Variants in CDC45 observed in about 807,000 individuals in gnomAD.
CDC45 encodes the protein cell division control protein 45 homolog.
In CDC45, 54 loss-of-function variants were observed where a neutral mutation model predicts 77.8. The observed-to-expected ratio is 0.69, with a 90% CI of 0.56 to 0.87. The LOEUF is 0.87. CDC45 is among the 40% of genes least tolerant of loss of function. CDC45 has a pLI of 0.00. For synonymous variants in CDC45, 260 were observed against 272.1 expected, an observed-to-expected ratio of 0.96 and a Z score of 0.44; for missense variants, 649 against 721.6, an observed-to-expected ratio of 0.90 and a Z score of 1.15.
Position 19,508,653 on chromosome 22 carries a change from GA to G in CDC45, c.1180del (p.Thr394GlnfsTer73). The stretch of plus-strand genomic sequence containing the variant: ...AGAGCCCCGAGAAGGATGGCTCAGG[GA>G]CAGATCACTTCATCCAGGCTCTGGA... The part of the protein sequence containing the change: ...MESPEKDGSG[T>X]DHFIQALDSL... On this transcript the variant is annotated frameshift_variant, in exon 13 of 19. Transcript: ENST00000263201. LOFTEE classifies it high-confidence loss of function. The G allele has an allele frequency of 6.2e-7, 1 of 1,614,198 alleles. No homozygotes were observed. The highest frequency in any genetic ancestry group is 8.5e-7 in the Non-Finnish European group (1 of 1,180,036).
chr22:19,484,177 C>T (rs1601922733), intron 5 of CDC45, among the ~76,000 whole-genome samples, 172 bp downstream of exon 5: 1 of 152,204 alleles, frequency 6.6e-6, no homozygotes, highest in African/African-American at 2.4e-5. Context: ...TGGCCTCAGG[C>T]AGGTTACTGG....
At chr22:19,486,773 T>C (rs1031700767) in intron 5 of CDC45, among the ~76,000 whole-genome samples, 5 of 151,536 alleles carry the variant, frequency 3.3e-5, no homozygotes, top group African/African-American at 1.2e-4. Context: ...AGCTCCTGGG[T>C]TCATGCCATT....
intron 9 of CDC45, among the ~76,000 whole-genome samples, 168 bp downstream of exon 9, chr22:19,499,319 CTG>C (rs1568924616): frequency 6.6e-6 from 1 of 152,188 alleles, no homozygotes; most frequent in Non-Finnish European, 1.5e-5. Context: ...GAAGGGCTAA[CTG>C]AGTACCAGCC....
At chr22:19,490,913 T>A (rs765138275) in intron 5 of CDC45, among the ~76,000 whole-genome samples, 3 of 150,988 alleles carry the variant, frequency 2.0e-5, no homozygotes, top group Non-Finnish European at 4.4e-5. Flanking sequence ...CTACAACCTC[T>A]ACCTCTCGGG....
intron 3 of CDC45, among the ~76,000 whole-genome samples, chr22:19,481,673 T>C (rs2089985703): frequency 6.6e-6 from 1 of 151,916 alleles, no homozygotes; most frequent in Non-Finnish European, 1.5e-5. Flanking sequence ...ACGCCCAGCC[T>C]TTATTTATTT....
chr22:19,513,944 T>A (rs947695017), intron 13 of CDC45, among the ~76,000 whole-genome samples: 1 of 152,144 alleles, frequency 6.6e-6, no homozygotes, highest in Non-Finnish European at 1.5e-5. Flanking sequence ...AGACTTGGAG[T>A]GGATGTTTTA....
chr22:19,507,831 G>A lies in CDC45; in HGVS notation c.1022G>A (p.Arg341Gln), dbSNP rs367893525. The A allele has an allele frequency of 1.8e-5, 29 of 1,599,656 alleles. No individual in the cohort carries two copies. Among genetic ancestry groups the A allele is most frequent in the Admixed American group, 1.1e-4 (6 of 55,394 alleles). The change falls in exon 12 of 19, where the codon CGG becomes CAG. Residue 341 changes from arginine to glutamine, a missense_variant. Transcript: ENST00000263201. ...GACATCTCCTTGAAGGAGAATTTGCGGGAAATGATTGAAGAGTCTGCAAAT... is the reference window on the plus strand; with the variant it reads ...GACATCTCCTTGAAGGAGAATTTGCAGGAAATGATTGAAGAGTCTGCAAAT... ...AMDISLKENL[R>Q]EMIEESANKF...
chr22:19,489,687 A>G (rs955575097), intron 5 of CDC45, among the ~76,000 whole-genome samples: 1 of 152,234 alleles, frequency 6.6e-6, no homozygotes, highest in East Asian at 1.9e-4. Context: ...CGTGCTAGCC[A>G]TAAATACGTG....
At chr22:19,479,684 C>G, upstream of CDC45, 183 of 659,604 alleles carry the variant, frequency 2.8e-4, no homozygotes, top group Non-Finnish European at 2.2e-4. Context: ...CGTCGCTTTT[C>G]TGGGTAAAAG....
intron 9 of CDC45, among the ~76,000 whole-genome samples, chr22:19,499,669 G>A (rs9606038): frequency 0.07 from 10,630 of 152,212 alleles, 504 homozygotes; most frequent in South Asian, 0.16. Context: ...ATAGACTGAC[G>A]GTGAGCTGCA....
upstream of CDC45, chr22:19,479,470 T>C (rs982131433): frequency 1.6e-6 from 1 of 629,460 alleles, no homozygotes; most frequent in Non-Finnish European, 2.9e-6. Context: ...CTACCCAGAC[T>C]GCCTCTGCTT....
intron 15 of CDC45, 86 bp downstream of exon 15, chr22:19,515,134 G>T: frequency 7.8e-7 from 1 of 1,285,816 alleles, no homozygotes; most frequent in Non-Finnish European, 1.1e-6. Flanking sequence ...TGGCCTTGGG[G>T]TGCCTGTGGC....
intron 13 of CDC45, among the ~76,000 whole-genome samples, chr22:19,513,507 C>G (rs1933625139): frequency 6.6e-6 from 1 of 152,076 alleles, no homozygotes; most frequent in African/African-American, 2.4e-5. Context: ...AGCTGTTTTT[C>G]TGTGAGCCCC....
chr22:19,508,307 C>A (rs1265096725), intron 12 of CDC45, among the ~76,000 whole-genome samples: 2 of 152,312 alleles, frequency 1.3e-5, no homozygotes, highest in Non-Finnish European at 1.5e-5. Flanking sequence ...CCACACACCC[C>A]CTAAGCCAGC....
intron 5 of CDC45, among the ~76,000 whole-genome samples, chr22:19,487,383 A>G (rs1276396556): frequency 6.6e-6 from 1 of 151,796 alleles, no homozygotes; most frequent in African/African-American, 2.4e-5. Flanking sequence ...AAAATTAGCC[A>G]GGCATGGTAG....
intron 5 of CDC45, among the ~76,000 whole-genome samples, chr22:19,484,219 A>T (rs1029971131): frequency 6.6e-6 from 1 of 152,240 alleles, no homozygotes; most frequent in Admixed American, 6.5e-5. Flanking sequence ...TCTGTCCAAT[A>T]GGATCCTGTC....
In CDC45 at chr22:19,488,878, C is replaced by T. The variant is rs547257179; in HGVS notation, c.486+4873C>T. ...GTAATATAGAGAGATCACTTATATA[C>T]TTTGCCCAGCTTCCCCCAATGGTAA... On this transcript the variant is annotated intron_variant, in intron 5 of 18. Coordinates refer to ENST00000263201, the MANE Select transcript of CDC45 (RefSeq NM_003504.5). 2.2e-4 allele frequency among the ~76,000 whole-genome samples: 34 copies of T among 152,258 alleles called. No homozygotes were observed. In the East Asian group the frequency reaches 5.0e-3, roughly 22 times the overall value.
intron 4 of CDC45, 83 bp from the exon 5 acceptor site, chr22:19,483,779 A>T (rs1181467397): frequency 1.5e-6 from 2 of 1,301,408 alleles, no homozygotes; most frequent in Non-Finnish European, 2.2e-6. Context: ...TTATTAGGAA[A>T]TGATAAGATT....
intron 13 of CDC45, among the ~76,000 whole-genome samples, chr22:19,514,345 T>C (rs1933665257): frequency 6.6e-6 from 1 of 152,192 alleles, no homozygotes; most frequent in African/African-American, 2.4e-5. Context: ...TATTCACAGA[T>C]GGTACATTTC....
Sources: allele counts gnomAD v4.1 joint callset (sites outside exome capture counted in the v4.1 genomes callset), GRCh38; gene constraint gnomAD v4.1.1; transcripts MANE v1.5; gene names NCBI Gene and HGNC (gene_info 2026-07-23, HGNC 2026-07-21).